The following SEMA6C variants were observed in gnomAD, a reference collection of about 807,000 sequenced individuals.
SEMA6C encodes the protein semaphorin-6C.
SEMA6C carries 37 observed loss-of-function variants against 72.9 expected under a neutral mutation model. The ratio of observed to expected loss-of-function variants is 0.51; its 90% CI spans 0.39 to 0.67. The LOEUF (loss-of-function observed/expected upper bound fraction) is 0.67. Ranked by LOEUF, SEMA6C falls within the 30% of genes least tolerant of loss-of-function variation. SEMA6C has a pLI of 0.00. For missense variants in SEMA6C, 1,189 were observed against 1,263.6 expected (o/e 0.94, Z 0.89); for synonymous variants, 578 against 554.1 (o/e 1.04, Z -0.61).
At chr1:151,137,876 T>C (rs1299963375) in intron 9 of SEMA6C, 77 bp from the exon 10 acceptor site, 7 of 1,578,412 alleles carry the variant, frequency 4.4e-6, no homozygotes, top group Non-Finnish European at 6.1e-6. Flanking sequence ...CACACCGCTC[T>C]CCCCATTGCA....
At chr1:151,144,300 G>A (rs1344595914) in intron 2 of SEMA6C, 85 bp downstream of exon 2, 1 of 152,578 alleles carries the variant, frequency 6.6e-6, no homozygotes, top group African/African-American at 2.4e-5. Flanking sequence ...TCTGGCAAGT[G>A]AGGAGAAGAG....
intron 14 of SEMA6C, 23 bp downstream of exon 14, chr1:151,135,568 G>A: frequency 6.2e-7 from 1 of 1,601,042 alleles, no homozygotes; most frequent in Non-Finnish European, 8.5e-7. Flanking sequence ...CTTTGCAGGG[G>A]GCCTGCCCTC....
At chr1:151,139,938 T>C in intron 4 of SEMA6C, 38 bp downstream of exon 4, 1 of 1,586,880 alleles carries the variant, frequency 6.3e-7, no homozygotes, top group Non-Finnish European at 8.6e-7. Flanking sequence ...CCCAGGAGCA[T>C]GCATGTCTGC....
chr1:151,132,298 T>A lies in SEMA6C; in HGVS notation c.*186A>T. 1 of 1,535,688 alleles carries A rather than the reference T, an allele frequency of 6.5e-7. No individual in the cohort carries two copies. Among genetic ancestry groups the A allele is most frequent in the Non-Finnish European group, 8.7e-7 (1 of 1,145,568 alleles). Reference sequence around the variant, plus strand: ...ACGGGCTTCTCACCTCCCACTCTTCTGTCGAGGACAGGGGGAAAGACAGTC... The same window carrying A: ...ACGGGCTTCTCACCTCCCACTCTTCAGTCGAGGACAGGGGGAAAGACAGTC... On this transcript the variant is annotated 3_prime_UTR_variant, in exon 19 of 19. Coordinates refer to ENST00000368914, the MANE Select transcript of SEMA6C (RefSeq NM_030913.6).
At position 151,132,096 on chromosome 1, in the gene SEMA6C, G is replaced by T; in HGVS notation, c.*388C>A. 1 of 794,428 alleles carries T rather than the reference G, an allele frequency of 1.3e-6. No homozygotes were observed. The highest frequency in any genetic ancestry group is 1.7e-6 in the Non-Finnish European group (1 of 572,368). 49.2% of individuals were successfully genotyped at this position (794,428 alleles called of 1,614,324 possible). A position where few individuals can be genotyped will look rare whatever the true frequency, so the allele number is the denominator to read the frequency against. Reference sequence around the variant, plus strand: ...ATTGGGAAGCGGAGGCTCCTACACAGTAGGAGAGGCACGTCCCAGACCCAG... The same window carrying T: ...ATTGGGAAGCGGAGGCTCCTACACATTAGGAGAGGCACGTCCCAGACCCAG... On this transcript the variant is annotated 3_prime_UTR_variant, in exon 19 of 19. Transcript: ENST00000368914.
In SEMA6C at chr1:151,134,570, C is replaced by T. The variant is rs587645143; in HGVS notation, c.1714+50G>A. 104 of 1,608,204 alleles carry T rather than the reference C, an allele frequency of 6.5e-5. 1 individual carries two copies. The Admixed American group carries it at 1.7e-3, about 27-fold the overall frequency. On this transcript the variant is annotated intron_variant, in intron 17 of 18. Coordinates refer to ENST00000368914, the MANE Select transcript of SEMA6C (RefSeq NM_030913.6). ...AGCCTGGGATGGTGTCTGTGGCCAT[C>T]ATGGCCATGTGCAGCTTTGGCTGCA... is the stretch of plus-strand genomic sequence containing the variant.
intron 5 of SEMA6C, 75 bp from the exon 6 acceptor site, chr1:151,139,556 C>T: frequency 6.2e-7 from 1 of 1,604,576 alleles, no homozygotes; most frequent in Non-Finnish European, 8.5e-7. Context: ...CTTTTAGATT[C>T]TTCTTCCCAC....
At position 151,133,673 on chromosome 1, in the gene SEMA6C, C is replaced by T. The variant is rs890966916; in HGVS notation, c.1760-156G>A. 6.6e-6 allele frequency among the ~76,000 whole-genome samples: 1 copy of T among 152,198 alleles called. No homozygotes were observed. Among genetic ancestry groups the T allele is most frequent in the African/African-American group, 2.4e-5 (1 of 41,456 alleles). The stretch of plus-strand genomic sequence containing the variant: ...AGCCTCCACCATCCTCAGGATTCAC[C>T]TCTCCTGACTCCTCAGCATACAGCC... On this transcript the variant is annotated intron_variant, in intron 18 of 18. Coordinates refer to ENST00000368914, the MANE Select transcript of SEMA6C (RefSeq NM_030913.6). The surrounding 1 kb of genome is among the most constrained non-coding windows in gnomAD (Gnocchi z 5.9).
In SEMA6C at chr1:151,133,285, G is replaced by A. The variant is rs1256488526; in HGVS notation, c.1992C>T (p.Pro664=). 1.3e-6 allele frequency: 2 copies of A among 1,579,130 alleles called. No individual in the cohort carries two copies. The highest frequency in any genetic ancestry group is 3.5e-5 in the Admixed American group (2 of 56,448). Reference sequence around the variant, plus strand: ...CGTCCCCGTCCTTGGAGGGCGGCGGGGGCTCTGGGCCCCCACCGTGGAGCC... The same window carrying A: ...CGTCCCCGTCCTTGGAGGGCGGCGGAGGCTCTGGGCCCCCACCGTGGAGCC... ...LARLHGGGPE[P]PPPSKDGDAV... Residue 664 remains proline, a synonymous_variant, in exon 19 of 19, where the codon CCC becomes CCT. Transcript: ENST00000368914. This position sits in a 1 kb window ranked among gnomAD's most constrained non-coding sequence, Gnocchi z 5.9.
chr1:151,144,837 A>G (rs1168684752), intron 1 of SEMA6C, among the ~76,000 whole-genome samples: 2 of 152,162 alleles, frequency 1.3e-5, no homozygotes, highest in African/African-American at 2.4e-5. Context: ...CTTCATTTCC[A>G]GGCAAAATGA....
Position 151,132,253 on chromosome 1 carries a change from A to G in SEMA6C, c.*231T>C, listed in dbSNP as rs1558173667. ...GTGGGAGTCCGCCAGCTCCCCCTGA[A>G]ATGCTGGCTCACTGAGGAGACGGGC... On this transcript the variant is annotated 3_prime_UTR_variant, in exon 19 of 19. Transcript: ENST00000368914. 2.0e-6 allele frequency: 3 copies of G among 1,523,252 alleles called. No homozygotes were observed. The highest frequency in any genetic ancestry group is 2.6e-6 in the Non-Finnish European group (3 of 1,139,310). 94.4% of individuals were successfully genotyped at this position (1,523,252 alleles called of 1,614,324 possible).
chr1:151,140,271 C>T (rs746301898), intron 3 of SEMA6C, among the ~76,000 whole-genome samples, 181 bp from the exon 4 acceptor site: 15 of 152,206 alleles, frequency 9.9e-5, no homozygotes, highest in Admixed American at 2.0e-4. Flanking sequence ...TAGCACTTTA[C>T]ACGCATTGTC....
At position 151,131,947 on chromosome 1, in the gene SEMA6C, C is replaced by G. The variant is rs1437984240; in HGVS notation, c.*537G>C. 4.4e-6 allele frequency: 1 copy of G among 228,578 alleles called. No individual in the cohort carries two copies. Among genetic ancestry groups the G allele is most frequent in the Non-Finnish European group, 8.9e-6 (1 of 112,332 alleles). 14.2% of individuals were successfully genotyped at this position (228,578 alleles called of 1,614,324 possible). On this transcript the variant is annotated 3_prime_UTR_variant, in exon 19 of 19. Transcript: ENST00000368914. The stretch of plus-strand genomic sequence containing the variant: ...TGCCCCCCGGCGGGACCGCAGCCAT[C>G]CCATTACCCGGGAGAGCCCAGGGCC...
intron 10 of SEMA6C, among the ~76,000 whole-genome samples, chr1:151,137,445 CAAAAAAAAA>C: frequency 9.5e-6 from 1 of 105,306 alleles, no homozygotes; most frequent in South Asian, 3.4e-4. Flanking sequence ...GACTCCGTCT[CAAAAAAAAA>C]AAAAAAAAGA....
chr1:151,138,080 A>T lies in SEMA6C; in HGVS notation c.573T>A (p.Ala191=). 6 of 1,614,146 alleles carry T rather than the reference A, an allele frequency of 3.7e-6. No individual in the cohort carries two copies. The highest frequency in any genetic ancestry group is 5.1e-6 in the Non-Finnish European group (6 of 1,180,014). Residue 191 remains alanine (A), a synonymous_variant, in exon 9 of 19, where the codon GCT becomes GCA. Coordinates refer to ENST00000368914, the MANE Select transcript of SEMA6C (RefSeq NM_030913.6). ...CAGCATCACTGGCCTGGAAATCCGCAGCTGTGGCTGAGTACAGGCTGCCCT... is the reference window on the plus strand; with the variant it reads ...CAGCATCACTGGCCTGGAAATCCGCTGCTGTGGCTGAGTACAGGCTGCCCT... The part of the protein sequence containing the change: ...FAEGSLYSAT[A]ADFQASDAVV...
At chr1:151,140,252 A>T (rs1194132783) in intron 3 of SEMA6C, among the ~76,000 whole-genome samples, 162 bp from the exon 4 acceptor site, 1 of 152,234 alleles carries the variant, frequency 6.6e-6, no homozygotes, top group African/African-American at 2.4e-5. Context: ...TCTCTGCCAA[A>T]CACAGTGTTA....
Position 151,132,469 on chromosome 1 carries a change from C to A in SEMA6C, c.*15G>T, listed in dbSNP as rs752666677. Reference sequence around the variant, plus strand: ...CTCGGGCGCTCCCCACGCTGGAGGCCGTGGGCCGCTCCCTTTAAAAGTTGA... The same window carrying A: ...CTCGGGCGCTCCCCACGCTGGAGGCAGTGGGCCGCTCCCTTTAAAAGTTGA... On this transcript the variant is annotated 3_prime_UTR_variant, in exon 19 of 19. Coordinates refer to ENST00000368914, the MANE Select transcript of SEMA6C (RefSeq NM_030913.6). 1 of 1,545,664 alleles carries A rather than the reference C, an allele frequency of 6.5e-7. No homozygotes were observed. Among genetic ancestry groups the A allele is most frequent in the Non-Finnish European group, 8.7e-7 (1 of 1,144,324 alleles).
At chr1:151,134,294 C>T in intron 18 of SEMA6C, 107 bp downstream of exon 18, 1 of 1,142,458 alleles carries the variant, frequency 8.8e-7, no homozygotes, top group Non-Finnish European at 1.3e-6. Context: ...CGACCCTTTT[C>T]CGATACTCCC....
rs748469392 is a variant in SEMA6C at position 151,135,734 on chromosome 1, G to A, written c.1290C>T (p.Gly430=). The A allele has an allele frequency of 2.5e-6, 4 of 1,614,066 alleles. No individual in the cohort carries two copies. In the African/African-American group the frequency reaches 5.3e-5, roughly 22 times the overall value. ...TGATGTTACTGTGGGGACCAGCCAT[G>A]CCATCCACAGCTACTTGGGTCAGTA... ...RALLTQVAVD[G]MAGPHSNITV... is the part of the protein sequence containing the mutation. Residue 430 remains glycine, a synonymous_variant, in exon 14 of 19, where the codon GGC becomes GGT. Transcript: ENST00000368914.
Sources: gnomAD v4.1 joint callset for allele counts (sites outside exome capture counted in the v4.1 genomes callset) on GRCh38, gnomAD v4.1.1 for gene constraint, Gnocchi (gnomAD v3.1) non-coding constraint, MANE v1.5 for transcripts, NCBI Gene and HGNC (gene_info 2026-07-23, HGNC 2026-07-21) for gene names.